BPNT2: variants seen among roughly 807,000 people sequenced by gnomAD.
BPNT2 encodes Golgi-resident adenosine 3',5'-bisphosphate 3'-phosphatase.
BPNT2 carries 11 observed loss-of-function variants against 29.3 expected under a neutral mutation model. That is an observed-to-expected ratio of 0.38 (90% CI 0.24 to 0.62). The LOEUF is 0.62. Among genes scored for constraint, BPNT2 ranks in the 20% least tolerant of loss-of-function variants. The pLI is 0.62. For synonymous variants in BPNT2, 195 were observed against 187.7 expected (o/e 1.04, Z -0.32); for missense variants, 459 against 473.4 (o/e 0.97, Z 0.28).
At chr8:56,966,105 A>C (rs1805944023) in intron 4 of BPNT2, 86 bp downstream of exon 4, 2 of 1,443,862 alleles carry the variant, frequency 1.4e-6, no homozygotes, top group Admixed American at 1.7e-5. Context: ...TTTCCTCCCA[A>C]GCATGGACAA....
intron 4 of BPNT2, 129 bp downstream of exon 4, chr8:56,966,062 A>C (rs979801919): frequency 1.0e-6 from 1 of 995,916 alleles, no homozygotes; most frequent in Admixed American, 1.9e-5. Flanking sequence ...CAGGAGACCA[A>C]GCCTGTCTTG....
At chr8:56,980,819 T>TATACACACAC (rs755705861) in intron 1 of BPNT2, among the ~76,000 whole-genome samples, 8,462 of 141,338 alleles carry the variant, frequency 0.06, 308 homozygotes, top group Middle Eastern at 0.098. Flanking sequence ...TACATACATA[T>TATACACACAC]ACACACACAC....
chr8:56,984,980 G>A (rs919656262), intron 1 of BPNT2, among the ~76,000 whole-genome samples: 5 of 151,526 alleles, frequency 3.3e-5, no homozygotes, highest in African/African-American at 4.9e-5. Flanking sequence ...GCTTGTACAC[G>A]CTTTCCCAGA....
At chr8:56,969,617 G>A (rs1264869784) in intron 3 of BPNT2, among the ~76,000 whole-genome samples, 1 of 152,092 alleles carries the variant, frequency 6.6e-6, no homozygotes, top group Non-Finnish European at 1.5e-5. Flanking sequence ...ATGAAATGAT[G>A]GTCAAGGATG....
At position 56,978,116 on chromosome 8, in the gene BPNT2, C is replaced by A. The variant is rs1243284607; in HGVS notation, c.580G>T (p.Val194Leu). The change falls in exon 3 of 5, where the codon GTG (valine) becomes TTG (leucine). Residue 194 changes from valine (V) to leucine (L), a missense_variant. By Grantham distance (32) the Val-to-Leu change is conservative. Coordinates refer to ENST00000262644, the MANE Select transcript of BPNT2 (RefSeq NM_017813.5). ...EDLRKYVTTMVCVAVNGKPML... is the reference protein window; with the variant it reads ...EDLRKYVTTMLCVAVNGKPML... ...GGTTTACCATTTACAGCCACACACA[C>A]CATAGTAGTGACGTACTTTCGAAGA... 6.2e-7 allele frequency: 1 copy of A among 1,611,780 alleles called. No homozygotes were observed. Among genetic ancestry groups the A allele is most frequent in the Non-Finnish European group, 8.5e-7 (1 of 1,178,466 alleles).
intron 2 of BPNT2, among the ~76,000 whole-genome samples, chr8:56,979,400 AT>A (rs1346559593): frequency 5.3e-5 from 8 of 152,178 alleles, no homozygotes; most frequent in Non-Finnish European, 1.2e-4. Context: ...CCATATTTCT[AT>A]TATCTACTCC....
rs1367501011 is a variant in BPNT2 at position 56,993,486 on chromosome 8, C to G, written c.100G>C (p.Gly34Arg). 11 of 1,498,498 alleles carry G rather than the reference C, an allele frequency of 7.3e-6. No individual in the cohort carries two copies. Among genetic ancestry groups the G allele is most frequent in the Non-Finnish European group, 9.8e-6 (11 of 1,124,358 alleles). The allele number at this position is 1,498,498 out of a possible 1,614,324, so 92.8% of individuals were successfully genotyped here. The part of the protein sequence containing the change: ...LYHLYSGFLA[G>R]RFSLFGLGGE... ...CCCAGGCCGAAGAGGCTGAAGCGGC[C>G]GGCCAAGAAGCCCGAGTAGAGGTGG... The change falls in exon 1 of 5, where the codon GGC (glycine) becomes CGC (arginine). Residue 34 changes from glycine to arginine, a missense_variant. Coordinates refer to ENST00000262644, the MANE Select transcript of BPNT2 (RefSeq NM_017813.5).
At chr8:56,988,619 T>G (rs532744054) in intron 1 of BPNT2, among the ~76,000 whole-genome samples, 2 of 152,328 alleles carry the variant, frequency 1.3e-5, no homozygotes, top group South Asian at 4.1e-4. Flanking sequence ...TTATATTCTC[T>G]CCCTAACCAA....
intron 2 of BPNT2, 43 bp from the exon 3 acceptor site, chr8:56,978,188 A>C (rs768176100): frequency 5.1e-6 from 6 of 1,166,682 alleles, no homozygotes; most frequent in Middle Eastern, 3.8e-4. Flanking sequence ...ATGTCAAAGT[A>C]ATGTGCATAA....
intron 1 of BPNT2, among the ~76,000 whole-genome samples, chr8:56,989,876 A>G (rs957662619): frequency 1.3e-5 from 2 of 152,232 alleles, no homozygotes; most frequent in African/African-American, 4.8e-5. Context: ...TACAAGAATT[A>G]GCTGTCCTAC....
At chr8:56,993,144 A>C in intron 1 of BPNT2, 55 bp downstream of exon 1, 22 of 1,558,458 alleles carry the variant, frequency 1.4e-5, no homozygotes, top group Non-Finnish European at 1.9e-5. Context: ...TTAAGAGTCG[A>C]CGGGCCGAGA....
chr8:56,959,805 T>TA lies in BPNT2; in HGVS notation c.*3987dup, dbSNP rs1213550637. The TA allele has an allele frequency of 6.6e-6, 1 of 152,182 alleles. No homozygotes were observed. Among genetic ancestry groups the TA allele is most frequent in the Admixed American group, 6.5e-5 (1 of 15,276 alleles). 9.4% of individuals were successfully genotyped at this position (152,182 alleles called of 1,614,324 possible). The stretch of plus-strand genomic sequence containing the variant: ...AATGAATCTCCCCCAACTATAATAT[T>TA]AAAAACATCAAAAGAACTTAAGTTT... On this transcript the variant is annotated 3_prime_UTR_variant, in exon 5 of 5. Transcript: ENST00000262644.
intron 3 of BPNT2, chr8:56,967,091 T>C (rs142559089): frequency 3.3e-5 from 15 of 455,058 alleles, no homozygotes; most frequent in Non-Finnish European, 6.6e-5. Flanking sequence ...TATAAAACTA[T>C]ACAAGAGAAC....
chr8:56,963,107 AAC>A lies in BPNT2; in HGVS notation c.*684_*685del, dbSNP rs1805865936. The stretch of plus-strand genomic sequence containing the variant: ...CAGAAATGCTGAACTCATGGGTACA[AAC>A]ACACTTTTCTTTATAAAAACAAAAC... On this transcript the variant is annotated 3_prime_UTR_variant, in exon 5 of 5. Transcript: ENST00000262644. 1.3e-5 allele frequency: 2 copies of A among 152,256 alleles called. No homozygotes were observed. Among genetic ancestry groups the A allele is most frequent in the Non-Finnish European group, 2.9e-5 (2 of 68,074 alleles). 9.4% of individuals were successfully genotyped at this position (152,256 alleles called of 1,614,324 possible). A position where few individuals can be genotyped will look rare whatever the true frequency, so the allele number is the denominator to read the frequency against.
At position 56,958,869 on chromosome 8, in the gene BPNT2, CCCT is replaced by C. The variant is rs763805341; in HGVS notation, c.*4921_*4923del. ...GGAAATTAAAAAGTCCATAAACGTG[CCCT>C]CCTAACACGAGAATAAGAAAGGTGG... On this transcript the variant is annotated 3_prime_UTR_variant, in exon 5 of 5. Transcript: ENST00000262644. 1.1e-4 allele frequency: 16 copies of C among 152,118 alleles called. No homozygotes were observed. The highest frequency in any genetic ancestry group is 2.4e-4 in the Non-Finnish European group (16 of 68,032). The allele number at this position is 152,118 out of a possible 1,614,324, so 9.4% of individuals were successfully genotyped here. A position where few individuals can be genotyped will look rare whatever the true frequency, so the allele number is the denominator to read the frequency against.
At chr8:56,990,411 G>C (rs1440225713) in intron 1 of BPNT2, among the ~76,000 whole-genome samples, 6 of 152,186 alleles carry the variant, frequency 3.9e-5, no homozygotes, top group Admixed American at 2.6e-4. Flanking sequence ...AATGGCTGGA[G>C]TTACTATTAC....
chr8:56,978,528 A>C (rs1288898353), intron 2 of BPNT2, among the ~76,000 whole-genome samples: 1 of 152,180 alleles, frequency 6.6e-6, no homozygotes, highest in African/African-American at 2.4e-5. Flanking sequence ...TATTCGACCC[A>C]GCATTCCCAT....
Position 56,963,758 on chromosome 8 carries a change from A to C in BPNT2, c.*35T>G, listed in dbSNP as rs772611352. The C allele has an allele frequency of 2.7e-5, 44 of 1,612,238 alleles. No individual in the cohort carries two copies. The highest frequency in any genetic ancestry group is 3.6e-5 in the Non-Finnish European group (43 of 1,178,550). ...TCCAGCATCTCAGGCTAACCATTTC[A>C]GCTGTGAAGAACTGTACCCTGTAAT... On this transcript the variant is annotated 3_prime_UTR_variant, in exon 5 of 5. Transcript: ENST00000262644.
At chr8:56,964,119 C>G (rs1805896876) in intron 4 of BPNT2, 55 bp from the exon 5 acceptor site, 1 of 1,328,212 alleles carries the variant, frequency 7.5e-7, no homozygotes, top group Non-Finnish European at 1.1e-6. Context: ...AAGAAAGTAG[C>G]ATACTTTTTT....
Sources: allele counts gnomAD v4.1 joint callset (sites outside exome capture counted in the v4.1 genomes callset), GRCh38; gene constraint gnomAD v4.1.1; transcripts MANE v1.5; gene names NCBI Gene and HGNC (gene_info 2026-07-23, HGNC 2026-07-21).